Variants in AFM observed in about 807,000 individuals in gnomAD.
AFM encodes the protein alpha-Alb.
AFM carries 82 observed loss-of-function variants against 68.7 expected under a neutral mutation model. That is an observed-to-expected ratio of 1.19 (90% confidence interval 1.00 to 1.43). The LOEUF (loss-of-function observed/expected upper bound fraction) is 1.43, where lower values mean the gene tolerates loss of function less well. Ranked by LOEUF, AFM falls within the 40% of genes most tolerant of loss-of-function variation. The probability of loss-of-function intolerance (pLI) is 0.00; values close to 1 mark genes in which losing one functional copy is unlikely to be tolerated. For missense variants in AFM, 772 were observed against 701.8 expected (o/e 1.10, Z -1.13); for synonymous variants, 250 against 234.2 (o/e 1.07, Z -0.61).
At position 73,484,471 on chromosome 4, in the gene AFM, T is replaced by C. The variant is rs575287924; in HGVS notation, c.270+81T>C. 2.5e-5 allele frequency: 14 copies of C among 566,398 alleles called. 1 individual carries two copies. The highest frequency in any genetic ancestry group is 1.7e-4 in the East Asian group (5 of 29,452). 35.1% of individuals were successfully genotyped at this position (566,398 alleles called of 1,614,324 possible). ...CTTTCTTTCTTTCTTTCTTTCTTTC[T>C]TTCTTTCTTTCTTTCTTTCTTTCTT... On this transcript the variant is annotated intron_variant, in intron 3 of 14. Transcript: ENST00000226355.
At chr4:73,499,957 A>G in intron 11 of AFM, 47 bp from the exon 12 acceptor site, 1 of 1,504,590 alleles carries the variant, frequency 6.6e-7, no homozygotes. Flanking sequence ...TAGAAATTCC[A>G]TTCAAGTTTT....
chr4:73,500,898 C>T (rs1446756143), intron 12 of AFM, among the ~76,000 whole-genome samples: 2 of 152,096 alleles, frequency 1.3e-5, no homozygotes, highest in Non-Finnish European at 2.9e-5. Flanking sequence ...CCATCCTATT[C>T]TAGTCTGGTC....
Position 73,487,842 on chromosome 4 carries a change from C to G in AFM, c.713+21C>G, listed in dbSNP as rs776832606. On this transcript the variant is annotated intron_variant, in intron 6 of 14. Coordinates refer to ENST00000226355, the MANE Select transcript of AFM (RefSeq NM_001133.2). ...TTTATGTGAGTTTTATACTATATGT[C>G]TTGTCTCTGCTTGCATTTCCTTGTC... 2.8e-6 allele frequency: 4 copies of G among 1,439,166 alleles called. No individual in the cohort carries two copies. In the Admixed American group the frequency reaches 7.0e-5, roughly 25 times the overall value. The allele number at this position is 1,439,166 out of a possible 1,614,324, so 89.1% of individuals were successfully genotyped here. A position where few individuals can be genotyped will look rare whatever the true frequency, so the allele number is the denominator to read the frequency against.
At chr4:73,490,404 T>C (rs1198097428) in intron 7 of AFM, among the ~76,000 whole-genome samples, 2 of 125,936 alleles carry the variant, frequency 1.6e-5, no homozygotes, top group African/African-American at 5.3e-5. Context: ...TTGTTCTTGG[T>C]GATGTAGGAT....
At chr4:73,497,821 A>C (rs1369324556) in intron 10 of AFM, 72 bp downstream of exon 10, 3 of 1,018,878 alleles carry the variant, frequency 2.9e-6, no homozygotes, top group Admixed American at 5.6e-5. Context: ...AGCGTAAAAA[A>C]GTTAGCTGTC....
In AFM at chr4:73,491,935, T is replaced by C. The variant is rs1043823755; in HGVS notation, c.907T>C (p.Cys303Arg). ...DSISSKIKECCEKKIPERGQC... is the reference protein window; with the variant it reads ...DSISSKIKECREKKIPERGQC... ...TATCTCCAGCAAAATCAAAGAGTGC[T>C]GTGAAAAGAAAATACCAGAGCGCGG... Residue 303 changes from cysteine to arginine, a missense_variant, in exon 8 of 15, where the codon TGT becomes CGT. Coordinates refer to ENST00000226355, the MANE Select transcript of AFM (RefSeq NM_001133.2). 6 of 1,614,030 alleles carry C rather than the reference T, an allele frequency of 3.7e-6. No individual in the cohort carries two copies. The highest frequency in any genetic ancestry group is 5.1e-6 in the Non-Finnish European group (6 of 1,179,954).
At chr4:73,495,138 A>G (rs1721216507) in intron 8 of AFM, 162 bp from the exon 9 acceptor site, 3 of 532,746 alleles carry the variant, frequency 5.6e-6, no homozygotes, top group South Asian at 4.9e-5. Flanking sequence ...AAAATGATCT[A>G]TAGCCAAAAT....
chr4:73,486,128 A>G, intron 4 of AFM, 55 bp downstream of exon 4: 1 of 1,365,618 alleles, frequency 7.3e-7, no homozygotes. Flanking sequence ...CTTAGGCTGA[A>G]TCTAATATCT....
At chr4:73,496,907 C>T (rs1011375061) in intron 9 of AFM, among the ~76,000 whole-genome samples, 5 of 152,112 alleles carry the variant, frequency 3.3e-5, no homozygotes, top group African/African-American at 9.7e-5. Context: ...TCACTTGCCA[C>T]AAACACCAGT....
At chr4:73,483,026 C>G (rs1436055186) in intron 1 of AFM, among the ~76,000 whole-genome samples, 1 of 152,080 alleles carries the variant, frequency 6.6e-6, no homozygotes, top group African/African-American at 2.4e-5. Flanking sequence ...ACCATTATTC[C>G]TCTTTGTGAC....
intron 10 of AFM, among the ~76,000 whole-genome samples, chr4:73,498,537 C>T (rs1440682944): frequency 1.3e-5 from 2 of 152,130 alleles, no homozygotes; most frequent in South Asian, 2.1e-4. Context: ...TCCAACCCTT[C>T]GGACTTTGCT....
Position 73,499,150 on chromosome 4 carries a change from C to T in AFM, c.1326C>T (p.Leu442=). The T allele has an allele frequency of 6.2e-7, 1 of 1,613,406 alleles. No homozygotes were observed. The change falls in exon 11 of 15, where the codon CTC becomes CTT. Residue 442 remains leucine (L), a synonymous_variant. Coordinates refer to ENST00000226355, the MANE Select transcript of AFM (RefSeq NM_001133.2). The part of the protein sequence containing the change: ...LIRLTKIAPQ[L]STEELVSLGE... ...GGCTCACGAAGATAGCTCCCCAACT[C>T]TCCACTGAAGAACTGGTGTCTCTTG... is the stretch of plus-strand genomic sequence containing the variant.
At chr4:73,494,708 A>T (rs1330437012) in intron 8 of AFM, among the ~76,000 whole-genome samples, 2 of 152,192 alleles carry the variant, frequency 1.3e-5, no homozygotes, top group East Asian at 3.9e-4. Context: ...GGGCTTAATA[A>T]CTGTTAGCCT....
In AFM at chr4:73,499,989, C is replaced by T; in HGVS notation, c.1423-15C>T. 1.2e-6 allele frequency: 2 copies of T among 1,608,100 alleles called. No individual in the cohort carries two copies. Among genetic ancestry groups the T allele is most frequent in the South Asian group, 1.1e-5 (1 of 90,770 alleles). ...TTTTAAGATCGTATCTCAGTTGCAACTCTTGTTGGTACAGGCAGATTTAGT... is the reference window on the plus strand; with the variant it reads ...TTTTAAGATCGTATCTCAGTTGCAATTCTTGTTGGTACAGGCAGATTTAGT... On this transcript the variant is annotated splice_polypyrimidine_tract_variant and intron_variant, in intron 11 of 14. Coordinates refer to ENST00000226355, the MANE Select transcript of AFM (RefSeq NM_001133.2).
intron 7 of AFM, among the ~76,000 whole-genome samples, chr4:73,491,163 G>A (rs761977389): frequency 6.6e-6 from 1 of 152,168 alleles, no homozygotes; most frequent in Non-Finnish European, 1.5e-5. Context: ...TTCAACTAAT[G>A]TGTAAATAAG....
chr4:73,491,915 C>A lies in AFM; in HGVS notation c.887C>A (p.Ser296Tyr). Residue 296 changes from serine (S) to tyrosine (Y), a missense_variant, in exon 8 of 15, where the codon TCC (serine) becomes TAC (tyrosine). Physicochemically the swap from Ser to Tyr is moderately radical, Grantham distance 144. Coordinates refer to ENST00000226355, the MANE Select transcript of AFM (RefSeq NM_001133.2). The stretch of plus-strand genomic sequence containing the variant: ...ATTTGTTCAAAACAAGATTCTATCT[C>A]CAGCAAAATCAAAGAGTGCTGTGAA... ...NHICSKQDSI[S>Y]SKIKECCEKK... 1 of 1,613,912 alleles carries A rather than the reference C, an allele frequency of 6.2e-7. No individual in the cohort carries two copies. The highest frequency in any genetic ancestry group is 8.5e-7 in the Non-Finnish European group (1 of 1,179,946).
At chr4:73,492,169 G>T in intron 8 of AFM, 83 bp downstream of exon 8, 1 of 1,257,266 alleles carries the variant, frequency 8.0e-7, no homozygotes, top group Non-Finnish European at 1.1e-6. Flanking sequence ...TTAGGTGGAA[G>T]GACATGGTAC....
chr4:73,484,230 T>C, intron 2 of AFM, 28 bp from the exon 3 acceptor site: 2 of 1,585,986 alleles, frequency 1.3e-6, no homozygotes, highest in South Asian at 1.2e-5. Flanking sequence ...GCAACTGATC[T>C]TTGTATACCC....
chr4:73,500,185 T>C lies in AFM; in HGVS notation c.1604T>C (p.Met535Thr). ...GATTTATTTACCTTTCACGCAGACATGTGTCAATCTCAGAATGAGGAGCTT... is the reference window on the plus strand; with the variant it reads ...GATTTATTTACCTTTCACGCAGACACGTGTCAATCTCAGAATGAGGAGCTT... Reference protein sequence around the residue: ...SQDLFTFHADMCQSQNEELQR... With the variant: ...SQDLFTFHADTCQSQNEELQR... Residue 535 changes from methionine (M) to threonine (T), a missense_variant, in exon 12 of 15, where the codon ATG becomes ACG. Met to Thr is a moderately conservative substitution (Grantham distance 81, BLOSUM62 -1). Transcript: ENST00000226355. The C allele has an allele frequency of 1.2e-6, 2 of 1,613,686 alleles. No individual in the cohort carries two copies. The highest frequency in any genetic ancestry group is 1.7e-6 in the Non-Finnish European group (2 of 1,179,836).
Sources: allele counts gnomAD v4.1 joint callset (sites outside exome capture counted in the v4.1 genomes callset), GRCh38; gene constraint gnomAD v4.1.1; transcripts MANE v1.5; gene names NCBI Gene and HGNC (gene_info 2026-07-23, HGNC 2026-07-21).